The following PACRG variants were observed in gnomAD, a reference collection of about 807,000 sequenced individuals.
PACRG encodes parkin coregulated gene protein.
In PACRG, 29 loss-of-function variants were observed where a neutral mutation model predicts 29.7. That is an observed-to-expected ratio of 0.98 (90% CI 0.73 to 1.33). The LOEUF is 1.33. PACRG is among the 40% of genes most tolerant of loss of function. The pLI is 0.00. For missense variants in PACRG, 279 were observed against 316.2 expected, an observed-to-expected ratio of 0.88 and a Z score of 0.89; for synonymous variants, 116 against 118.7, an observed-to-expected ratio of 0.98 and a Z score of 0.15.
At chr6:163,294,683 T>C (rs1784727267) in intron 4 of PACRG, among the ~76,000 whole-genome samples, 3 of 152,182 alleles carry the variant, frequency 2.0e-5, no homozygotes, top group Admixed American at 2.0e-4. Flanking sequence ...AATTGTTAAT[T>C]GCTTAATGAA....
chr6:162,914,271 A>G (rs1240285074), intron 2 of PACRG, among the ~76,000 whole-genome samples: 1 of 152,078 alleles, frequency 6.6e-6, no homozygotes, highest in African/African-American at 2.4e-5. Flanking sequence ...TTTTCCATAC[A>G]GATATAAGTT....
Position 162,773,494 on chromosome 6 carries a change from A to ATTTTTT in PACRG, c.157-40627_157-40622dup, listed in dbSNP as rs71008110. ...ATATTTGGTATTTTTACAGCTTGTCATTTTTTTTTTTTTTTTTTTTTTTTT... is the reference window on the plus strand; with the variant it reads ...ATATTTGGTATTTTTACAGCTTGTCATTTTTTTTTTTTTTTTTTTTTTTTTTTTTTT... On this transcript the variant is annotated intron_variant, in intron 1 of 4. Coordinates refer to ENST00000366888, the MANE Select transcript of PACRG (RefSeq NM_001080379.2). Among the ~76,000 whole-genome samples the ATTTTTT allele has an allele frequency of 9.4e-4, 62 of 66,018 alleles. 1 individual carries two copies. Among genetic ancestry groups the ATTTTTT allele is most frequent in the East Asian group, 5.6e-3 (9 of 1,594 alleles). The allele number at this position is 66,018 out of a possible 152,430, so 43.3% of individuals were successfully genotyped here. A position where few individuals can be genotyped will look rare whatever the true frequency, so the allele number is the denominator to read the frequency against.
chr6:163,118,519 T>C (rs1341987014), intron 4 of PACRG, among the ~76,000 whole-genome samples: 2 of 152,224 alleles, frequency 1.3e-5, no homozygotes, highest in Non-Finnish European at 2.9e-5. Flanking sequence ...TAGATCCCCG[T>C]TTCTGGGTCC....
intron 2 of PACRG, among the ~76,000 whole-genome samples, chr6:162,896,691 T>C (rs1056846016): frequency 6.6e-6 from 1 of 152,250 alleles, no homozygotes; most frequent in African/African-American, 2.4e-5. Context: ...TCAGAATTTT[T>C]TCCTTTGTAT....
chr6:163,033,650 A>T (rs924000393), intron 2 of PACRG, among the ~76,000 whole-genome samples: 2 of 152,238 alleles, frequency 1.3e-5, no homozygotes, highest in Non-Finnish European at 2.9e-5. Context: ...TCATACACAG[A>T]ATACATATAA....
intron 2 of PACRG, among the ~76,000 whole-genome samples, chr6:162,820,604 T>C (rs1057156685): frequency 4.6e-5 from 7 of 152,158 alleles, no homozygotes; most frequent in African/African-American, 1.4e-4. Context: ...ATTTAGTCCC[T>C]TGGTACCTTC....
chr6:163,054,887 C>T (rs2128252261), intron 2 of PACRG, among the ~76,000 whole-genome samples: 1 of 152,214 alleles, frequency 6.6e-6, no homozygotes, highest in East Asian at 1.9e-4. Flanking sequence ...CCAAGGACCG[C>T]CTCCCCCCTG....
At chr6:162,999,521 A>G (rs908560343) in intron 2 of PACRG, among the ~76,000 whole-genome samples, 2 of 152,216 alleles carry the variant, frequency 1.3e-5, no homozygotes, top group South Asian at 2.1e-4. Context: ...CTAACTCTTC[A>G]GACCCTCAAC....
At position 162,974,549 on chromosome 6, in the gene PACRG, A is replaced by C. The variant is rs541833609; in HGVS notation, c.292-87601A>C. Among the ~76,000 whole-genome samples, 14 of 152,290 alleles carry C rather than the reference A, an allele frequency of 9.2e-5. No individual in the cohort carries two copies. The South Asian group carries it at 2.9e-3, about 32-fold the overall frequency. On this transcript the variant is annotated intron_variant, in intron 2 of 4. Transcript: ENST00000366888. ...TTTTCCTGGGATCTGTTGTATCTCC[A>C]TTATATACCACTGAAAATATTTACT...
upstream of PACRG, chr6:162,727,745 C>A (rs756731328): frequency 1.2e-5 from 17 of 1,469,524 alleles, no homozygotes; most frequent in African/African-American, 2.1e-4. Flanking sequence ...CTCCCACCAG[C>A]GGCTCTCCTG....
At chr6:163,090,991 A>G (rs927665617) in intron 4 of PACRG, among the ~76,000 whole-genome samples, 4 of 152,186 alleles carry the variant, frequency 2.6e-5, no homozygotes, top group African/African-American at 7.2e-5. Flanking sequence ...CCATGTGAAC[A>G]GTTATTCTGT....
At chr6:163,166,678 C>T (rs1778828398) in intron 4 of PACRG, among the ~76,000 whole-genome samples, 1 of 152,170 alleles carries the variant, frequency 6.6e-6, no homozygotes, top group African/African-American at 2.4e-5. Context: ...CAAAGCATGA[C>T]ATGAAGTCTG....
chr6:163,165,643 C>T (rs1778767516), intron 4 of PACRG: 1 of 190,152 alleles, frequency 5.3e-6, no homozygotes, highest in South Asian at 1.0e-4. Flanking sequence ...CTAGGGTAAC[C>T]CAGGGGAGAG....
At chr6:162,891,408 T>G (rs181926438) in intron 2 of PACRG, among the ~76,000 whole-genome samples, 1 of 152,228 alleles carries the variant, frequency 6.6e-6, no homozygotes, top group East Asian at 1.9e-4. Flanking sequence ...TGGTGCTCAG[T>G]GGGACCCACA....
rs566774231 is a variant in PACRG at position 162,792,905 on chromosome 6, T to C, written c.157-21242T>C. ...GAATGCAAAATGAGAGGTGACCTAG[T>C]GTTTACACTTTATTGGGACTAAAGG... On this transcript the variant is annotated intron_variant, in intron 1 of 4. Coordinates refer to ENST00000366888, the MANE Select transcript of PACRG (RefSeq NM_001080379.2). Among the ~76,000 whole-genome samples the C allele has an allele frequency of 5.3e-5, 8 of 152,286 alleles. No homozygotes were observed. In the South Asian group the frequency reaches 1.7e-3, roughly 32 times the overall value.
intron 2 of PACRG, among the ~76,000 whole-genome samples, chr6:162,897,578 T>C (rs1032771138): frequency 5.3e-5 from 8 of 152,246 alleles, no homozygotes; most frequent in African/African-American, 1.9e-4. Flanking sequence ...TACACACCTA[T>C]GTTCCATTAA....
intron 4 of PACRG, chr6:163,190,742 AGG>A: frequency 3.7e-6 from 1 of 268,896 alleles, no homozygotes; most frequent in South Asian, 3.9e-5. Context: ...GCAAAAGTGT[AGG>A]GCTCTTTCTC....
At chr6:162,903,586 C>T (rs933823065) in intron 2 of PACRG, among the ~76,000 whole-genome samples, 2 of 152,124 alleles carry the variant, frequency 1.3e-5, no homozygotes, top group Non-Finnish European at 2.9e-5. Flanking sequence ...GACTGATTCA[C>T]TACCACAAGA....
chr6:163,015,750 T>A (rs1806037756), intron 2 of PACRG, among the ~76,000 whole-genome samples: 1 of 152,164 alleles, frequency 6.6e-6, no homozygotes, highest in South Asian at 2.1e-4. Flanking sequence ...TTTTTGGTGG[T>A]GTCTTTAGGG....
Sources: gnomAD v4.1 joint callset for allele counts (sites outside exome capture counted in the v4.1 genomes callset) on GRCh38, gnomAD v4.1.1 for gene constraint, MANE v1.5 for transcripts, NCBI Gene and HGNC (gene_info 2026-07-23, HGNC 2026-07-21) for gene names.